Variants in TMEM117 observed in about 807,000 individuals in gnomAD.
The protein encoded by TMEM117 is transmembrane protein 117.
In TMEM117, 27 loss-of-function variants were observed where a neutral mutation model predicts 52.4. The ratio of observed to expected loss-of-function variants is 0.51; its 90% CI spans 0.38 to 0.71. TMEM117 has a LOEUF of 0.71. Among genes scored for constraint, TMEM117 ranks in the 30% least tolerant of loss-of-function variants. TMEM117 has a pLI of 0.00. For missense variants in TMEM117, 556 were observed against 630.5 expected, an observed-to-expected ratio of 0.88 and a Z score of 1.26; for synonymous variants, 215 against 206.3, an observed-to-expected ratio of 1.04 and a Z score of -0.36.
chr12:44,173,008 G>T (rs1949069587), intron 4 of TMEM117, among the ~76,000 whole-genome samples: 1 of 151,818 alleles, frequency 6.6e-6, no homozygotes, highest in Non-Finnish European at 1.5e-5. Flanking sequence ...TACAGGCGTG[G>T]GCCACCGCGC....
At chr12:44,208,734 T>TG (rs1751277764) in intron 4 of TMEM117, among the ~76,000 whole-genome samples, 1 of 149,036 alleles carries the variant, frequency 6.7e-6, no homozygotes, top group African/African-American at 2.5e-5. Context: ...TGTTTTTTTT[T>TG]TTTTTTTTTT....
At chr12:44,396,014 A>G in the TMEM117 span, among the ~76,000 whole-genome samples, 6 of 152,300 alleles carry the variant, frequency 3.9e-5, no homozygotes, top group Non-Finnish European at 5.9e-5. Context: ...GCTAGAGCTG[A>G]GCTGAGTTTT....
At chr12:44,378,920 T>C (rs1565776002) in intron 7 of TMEM117, among the ~76,000 whole-genome samples, 1 of 152,256 alleles carries the variant, frequency 6.6e-6, no homozygotes, top group East Asian at 1.9e-4. Context: ...AAATGTGCCA[T>C]GCAAACAATT....
chr12:44,274,010 A>C (rs1236821324), intron 5 of TMEM117, among the ~76,000 whole-genome samples: 1 of 152,162 alleles, frequency 6.6e-6, no homozygotes, highest in Non-Finnish European at 1.5e-5. Flanking sequence ...ATTGGAATGG[A>C]ATAAGTCAAA....
At chr12:43,915,102 A>C (rs1031557112) in intron 2 of TMEM117, among the ~76,000 whole-genome samples, 1 of 152,108 alleles carries the variant, frequency 6.6e-6, no homozygotes, top group Non-Finnish European at 1.5e-5. Flanking sequence ...TTGCTTCCAC[A>C]TGGTTTCAGT....
chr12:43,920,438 G>A (rs564451727), intron 2 of TMEM117, among the ~76,000 whole-genome samples: 75 of 150,464 alleles, frequency 5.0e-4, no homozygotes, highest in African/African-American at 1.7e-3. Context: ...ACTTGAACCC[G>A]GGAGGCGGAG....
At chr12:44,155,166 C>G (rs1314474491) in intron 4 of TMEM117, among the ~76,000 whole-genome samples, 1 of 152,182 alleles carries the variant, frequency 6.6e-6, no homozygotes, top group East Asian at 1.9e-4. Flanking sequence ...AATATTTTAT[C>G]AAATTTTGAT....
At chr12:43,884,338 T>C (rs1395522803) in intron 2 of TMEM117, among the ~76,000 whole-genome samples, 1 of 152,000 alleles carries the variant, frequency 6.6e-6, no homozygotes, top group Non-Finnish European at 1.5e-5. Context: ...TATATATTAT[T>C]ATATTGTATT....
intron 2 of TMEM117, among the ~76,000 whole-genome samples, chr12:43,907,626 A>G (rs1592352134): frequency 1.3e-5 from 2 of 148,374 alleles, no homozygotes; most frequent in Non-Finnish European, 3.0e-5. Flanking sequence ...TATAACTAGA[A>G]TAACCAATAC....
At chr12:44,238,670 C>A (rs1409216584) in intron 5 of TMEM117, among the ~76,000 whole-genome samples, 1 of 152,104 alleles carries the variant, frequency 6.6e-6, no homozygotes, top group Non-Finnish European at 1.5e-5. Flanking sequence ...ACAACAACAA[C>A]AAAACTCAAC....
At chr12:43,818,647 G>A in the TMEM117 span, among the ~76,000 whole-genome samples, 2 of 152,072 alleles carry the variant, frequency 1.3e-5, no homozygotes, top group Non-Finnish European at 2.9e-5. Context: ...CACCATGTTG[G>A]TTGGCCAGGA....
chr12:43,805,520 G>T, the TMEM117 span: 3 of 456,336 alleles, frequency 6.6e-6, no homozygotes, highest in South Asian at 4.6e-5. Context: ...GATGAGGTGA[G>T]TACCTGCAGG....
chr12:44,270,018 T>A (rs1950427430), intron 5 of TMEM117, among the ~76,000 whole-genome samples: 1 of 152,128 alleles, frequency 6.6e-6, no homozygotes, highest in Admixed American at 6.6e-5. Flanking sequence ...AAAGAATGAC[T>A]AAATTGTTGT....
intron 6 of TMEM117, among the ~76,000 whole-genome samples, chr12:44,341,738 G>T (rs1333994930): frequency 6.6e-6 from 1 of 152,114 alleles, no homozygotes; most frequent in Non-Finnish European, 1.5e-5. Flanking sequence ...ATTTGATTGG[G>T]TTATATAGCT....
chr12:44,151,894 A>C (rs1429449371), intron 4 of TMEM117, among the ~76,000 whole-genome samples: 1 of 128,890 alleles, frequency 7.8e-6, no homozygotes, highest in Non-Finnish European at 1.6e-5. Flanking sequence ...ATATATATTT[A>C]ATATCATTTA....
At chr12:44,064,969 C>T (rs1947200103) in intron 3 of TMEM117, among the ~76,000 whole-genome samples, 1 of 152,126 alleles carries the variant, frequency 6.6e-6, no homozygotes, top group Non-Finnish European at 1.5e-5. Context: ...GTAACCATTT[C>T]ACTGCATATC....
At chr12:43,972,017 C>G (rs1378181972) in intron 3 of TMEM117, among the ~76,000 whole-genome samples, 1 of 152,142 alleles carries the variant, frequency 6.6e-6, no homozygotes, top group African/African-American at 2.4e-5. Flanking sequence ...TTTGCCAGTT[C>G]TTAATTGGAT....
chr12:44,147,183 G>A (rs1948655035), intron 4 of TMEM117, among the ~76,000 whole-genome samples: 1 of 152,172 alleles, frequency 6.6e-6, no homozygotes, highest in African/African-American at 2.4e-5. Context: ...ACATTGAGCT[G>A]GGTCTTTGCT....
At chr12:44,018,738 T>TC (rs1946410077) in intron 3 of TMEM117, among the ~76,000 whole-genome samples, 1 of 151,836 alleles carries the variant, frequency 6.6e-6, no homozygotes, top group Admixed American at 6.6e-5. Context: ...TTTTTTTTTT[T>TC]TAGAAGAAGT....
Sources: allele counts gnomAD v4.1 joint callset (sites outside exome capture counted in the v4.1 genomes callset), GRCh38; gene constraint gnomAD v4.1.1; transcripts MANE v1.5; gene names NCBI Gene and HGNC (gene_info 2026-07-23, HGNC 2026-07-21).